MCTP1: variants seen among roughly 807,000 people sequenced by gnomAD.
MCTP1 encodes multiple C2 and transmembrane domain containing 1, also known as multiple C2 and transmembrane domain-containing protein 1.
In MCTP1, 69 loss-of-function variants were observed where a neutral mutation model predicts 120.6. That is an observed-to-expected ratio of 0.57 (90% CI 0.47 to 0.70). The LOEUF (loss-of-function observed/expected upper bound fraction) is 0.70. Among genes scored for constraint, MCTP1 ranks in the 30% least tolerant of loss-of-function variants. The pLI, the probability that MCTP1 is intolerant of heterozygous loss-of-function variation, is 0.00. For synonymous variants in MCTP1, 529 were observed against 493.1 expected (o/e 1.07, Z -0.96); for missense variants, 1,203 against 1,248.8 (o/e 0.96, Z 0.55).
chr5:94,719,956 G>A (rs1165170198), intron 19 of MCTP1, among the ~76,000 whole-genome samples: 1 of 151,864 alleles, frequency 6.6e-6, no homozygotes, highest in African/African-American at 2.4e-5. Context: ...GAGAAACCCC[G>A]TCTCTACTAC....
chr5:94,849,252 T>C (rs753858537), intron 17 of MCTP1, among the ~76,000 whole-genome samples: 1 of 152,164 alleles, frequency 6.6e-6, no homozygotes, highest in Non-Finnish European at 1.5e-5. Flanking sequence ...TTTAGTAACA[T>C]ATGATTATAA....
In MCTP1 at chr5:95,232,158, T is replaced by TAA. The variant is rs35731165; in HGVS notation, c.720+51696_720+51697dup. Among the ~76,000 whole-genome samples, 525 of 66,942 alleles carry TAA rather than the reference T, an allele frequency of 7.8e-3. 3 individuals carry two copies. The highest frequency in any genetic ancestry group is 0.023 in the South Asian group (48 of 2,122). The allele number at this position is 66,942 out of a possible 152,430, so 43.9% of individuals were successfully genotyped here. A position where few individuals can be genotyped will look rare whatever the true frequency, so the allele number is the denominator to read the frequency against. On this transcript the variant is annotated intron_variant, in intron 1 of 22. Coordinates refer to ENST00000515393, the MANE Select transcript of MCTP1 (RefSeq NM_024717.7). ...AGATAAGAATAACTAAAGTGATCACTAAAAAAAAAAAAAAAAAAACAGTCA... is the reference window on the plus strand; with the variant it reads ...AGATAAGAATAACTAAAGTGATCACTAAAAAAAAAAAAAAAAAAAAACAGTCA...
At chr5:95,144,911 G>GT (rs1024005400) in intron 1 of MCTP1, among the ~76,000 whole-genome samples, 1 of 152,072 alleles carries the variant, frequency 6.6e-6, no homozygotes, top group Admixed American at 6.5e-5. Context: ...TTTTGGAATA[G>GT]TTTTTTTCCT....
intron 1 of MCTP1, among the ~76,000 whole-genome samples, chr5:95,138,029 G>C (rs998061219): frequency 6.6e-6 from 1 of 152,046 alleles, no homozygotes; most frequent in Non-Finnish European, 1.5e-5. Context: ...TAACAATCAC[G>C]CAAATGTGTT....
chr5:95,100,860 A>T (rs1582251222), intron 1 of MCTP1, among the ~76,000 whole-genome samples: 1 of 152,254 alleles, frequency 6.6e-6, no homozygotes, highest in East Asian at 1.9e-4. Flanking sequence ...ACTGAATACA[A>T]ATTCAAACAA....
chr5:94,710,771 TC>T (rs750967477), intron 21 of MCTP1, 46 bp downstream of exon 21: 1 of 1,242,168 alleles, frequency 8.1e-7, no homozygotes. Context: ...CATAGTTTGT[TC>T]TTAGCAGCTA....
rs570844074 is a variant in MCTP1, at chr5:95,213,198, A to C, written c.720+70658T>G. Among the ~76,000 whole-genome samples the C allele has an allele frequency of 2.0e-3, 308 of 152,332 alleles. 3 individuals carry two copies. Among genetic ancestry groups the C allele is most frequent in the Non-Finnish European group, 3.7e-3 (251 of 68,030 alleles). ...ATACAAAATCAGTGCACAAAATCAC[A>C]AGCATTGTTATACACCAGTAACAGA... On this transcript the variant is annotated intron_variant, in intron 1 of 22. Coordinates refer to ENST00000515393, the MANE Select transcript of MCTP1 (RefSeq NM_024717.7).
intron 1 of MCTP1, among the ~76,000 whole-genome samples, chr5:95,206,453 T>C (rs1366228835): frequency 6.6e-6 from 1 of 152,170 alleles, no homozygotes; most frequent in Non-Finnish European, 1.5e-5. Flanking sequence ...AATGAAGCTG[T>C]TATAAGAAAA....
chr5:94,875,865 T>C (rs2153340426), intron 12 of MCTP1, among the ~76,000 whole-genome samples: 1 of 152,216 alleles, frequency 6.6e-6, no homozygotes, highest in Non-Finnish European at 1.5e-5. Context: ...ATTTTATGTT[T>C]ACTTTTCTAT....
intron 19 of MCTP1, among the ~76,000 whole-genome samples, chr5:94,766,449 C>G (rs533912859): frequency 1.9e-5 from 1 of 52,220 alleles, no homozygotes; most frequent in Admixed American, 1.5e-4. Context: ...CACATGTTCT[C>G]ACTCATAGGT....
At chr5:95,131,082 G>T (rs1030560253) in intron 1 of MCTP1, among the ~76,000 whole-genome samples, 19 of 152,104 alleles carry the variant, frequency 1.2e-4, no homozygotes, top group African/African-American at 4.6e-4. Context: ...GGCCAATGTC[G>T]CTGTCCATCA....
intron 12 of MCTP1, among the ~76,000 whole-genome samples, chr5:94,882,603 A>C (rs1800368963): frequency 6.6e-6 from 1 of 152,180 alleles, no homozygotes; most frequent in Admixed American, 6.5e-5. Context: ...TCAAGCACTG[A>C]GTGAAATCCT....
intron 1 of MCTP1, among the ~76,000 whole-genome samples, chr5:95,083,662 C>T (rs1755207730): frequency 6.6e-6 from 1 of 152,054 alleles, no homozygotes; most frequent in Admixed American, 6.6e-5. Flanking sequence ...AAGAGGTTGC[C>T]TAAAAATGAG....
At chr5:94,973,724 T>C (rs559439353) in intron 2 of MCTP1, among the ~76,000 whole-genome samples, 37 of 152,278 alleles carry the variant, frequency 2.4e-4, no homozygotes, top group African/African-American at 8.9e-4. Flanking sequence ...TGGTGCTCTA[T>C]AGAAAAATAT....
At chr5:94,941,459 A>G (rs975670155) in intron 4 of MCTP1, among the ~76,000 whole-genome samples, 1 of 151,968 alleles carries the variant, frequency 6.6e-6, no homozygotes, top group Non-Finnish European at 1.5e-5. Flanking sequence ...ATTGTAATGC[A>G]TAAGTGAGTT....
At chr5:95,146,258 T>C (rs1760384887) in intron 1 of MCTP1, among the ~76,000 whole-genome samples, 1 of 152,160 alleles carries the variant, frequency 6.6e-6, no homozygotes, top group African/African-American at 2.4e-5. Flanking sequence ...TTTCTGATTG[T>C]GCTTATTTGG....
rs539467209 is a variant in MCTP1 at position 94,784,014 on chromosome 5, T to TA, written c.2557-4852dup. On this transcript the variant is annotated intron_variant, in intron 18 of 22. Transcript: ENST00000515393. ...AATTGCTTTACTCAAATATGGTCTATAAAAATGCAACACGTTTACACATTT... is the reference window on the plus strand; with the variant it reads ...AATTGCTTTACTCAAATATGGTCTATAAAAAATGCAACACGTTTACACATTT... Among the ~76,000 whole-genome samples the TA allele has an allele frequency of 7.2e-5, 11 of 152,208 alleles. No individual in the cohort carries two copies. The South Asian group carries it at 1.2e-3, about 17-fold the overall frequency.
chr5:94,902,336 CA>C (rs2153421866), intron 10 of MCTP1, among the ~76,000 whole-genome samples: 1 of 152,168 alleles, frequency 6.6e-6, no homozygotes, highest in South Asian at 2.1e-4. Context: ...AGAGATCTGC[CA>C]AAACAATCCA....
intron 3 of MCTP1, among the ~76,000 whole-genome samples, chr5:94,952,997 C>A (rs1458536778): frequency 3.3e-5 from 5 of 152,164 alleles, no homozygotes; most frequent in African/African-American, 1.2e-4. Context: ...ACTTCATAAT[C>A]CTTCTAAATG....
Sources: allele counts gnomAD v4.1 joint callset (sites outside exome capture counted in the v4.1 genomes callset), GRCh38; gene constraint gnomAD v4.1.1; transcripts MANE v1.5; gene names NCBI Gene and HGNC (gene_info 2026-07-23, HGNC 2026-07-21).